DLGAP1: variants seen among roughly 807,000 people sequenced by gnomAD.
The protein encoded by DLGAP1 is DLG associated protein 1.
Under a neutral mutation model 90.8 loss-of-function variants are expected in DLGAP1, and 11 were observed. The ratio of observed to expected loss-of-function variants is 0.12; its 90% CI spans 0.08 to 0.20. The LOEUF is 0.20. Ranked by LOEUF, DLGAP1 falls within the 10% of genes least tolerant of loss-of-function variation. The probability of loss-of-function intolerance (pLI) is 1.00; values close to 1 mark genes in which losing one functional copy is unlikely to be tolerated. For synonymous variants in DLGAP1, 558 were observed against 540.7 expected (o/e 1.03, Z -0.44); for missense variants, 1,050 against 1,333.8 (o/e 0.79, Z 3.31).
At chr18:4,360,548 A>G (rs1316524358) in intron 1 of DLGAP1, among the ~76,000 whole-genome samples, 1 of 152,250 alleles carries the variant, frequency 6.6e-6, no homozygotes, top group Non-Finnish European at 1.5e-5. Context: ...AGATAAATAA[A>G]GCAAGTTTGG....
At chr18:3,632,020 C>G (rs116756812) in intron 7 of DLGAP1, among the ~76,000 whole-genome samples, 1,553 of 152,216 alleles carry the variant, frequency 0.01, 34 homozygotes, top group African/African-American at 0.036. Context: ...AGTGATCCTC[C>G]CACCTCGGCT....
intron 1 of DLGAP1, among the ~76,000 whole-genome samples, chr18:4,326,445 G>C (rs185857991): frequency 1.8e-4 from 28 of 152,158 alleles, no homozygotes; most frequent in South Asian, 2.1e-4. Flanking sequence ...TATCCTGAAA[G>C]AACTGAACAC....
chr18:3,977,326 C>T (rs1475581467), intron 3 of DLGAP1, among the ~76,000 whole-genome samples: 1 of 152,064 alleles, frequency 6.6e-6, no homozygotes, highest in East Asian at 1.9e-4. Flanking sequence ...CCTGCCTTGG[C>T]CTCTCAAAGT....
chr18:3,714,177 T>C (rs1187588167), intron 7 of DLGAP1, among the ~76,000 whole-genome samples: 2 of 152,220 alleles, frequency 1.3e-5, no homozygotes, highest in Admixed American at 1.3e-4. Context: ...ATGGGTGTCC[T>C]GTTCAGTCAT....
At chr18:3,753,599 G>A (rs1000194307) in intron 5 of DLGAP1, among the ~76,000 whole-genome samples, 1 of 152,160 alleles carries the variant, frequency 6.6e-6, no homozygotes, top group African/African-American at 2.4e-5. Context: ...ACAGGGATGT[G>A]TGCATGCTGA....
intron 1 of DLGAP1, among the ~76,000 whole-genome samples, chr18:4,433,326 C>G (rs991434192): frequency 2.0e-5 from 3 of 152,166 alleles, no homozygotes; most frequent in African/African-American, 7.2e-5. Context: ...TACTATAATT[C>G]TACCTAATTT....
intron 1 of DLGAP1, among the ~76,000 whole-genome samples, chr18:4,425,771 G>A (rs995694842): frequency 2.0e-4 from 30 of 152,044 alleles, no homozygotes; most frequent in African/African-American, 7.2e-4. Flanking sequence ...GAAAGAAAGA[G>A]GACAACCCTT....
chr18:4,301,198 C>T (rs528883983), intron 1 of DLGAP1, among the ~76,000 whole-genome samples: 5 of 152,142 alleles, frequency 3.3e-5, no homozygotes, highest in South Asian at 2.1e-4. Flanking sequence ...ATTATATTCA[C>T]GATGCTATGC....
intron 7 of DLGAP1, among the ~76,000 whole-genome samples, chr18:3,717,439 G>C (rs2061802594): frequency 6.6e-6 from 1 of 152,208 alleles, no homozygotes; most frequent in East Asian, 1.9e-4. Flanking sequence ...AACAGCCTGA[G>C]AAAGAAAAGG....
rs905196369 is a variant in DLGAP1 at position 3,517,153 on chromosome 18, T to G, written c.2480-8492A>C. 2.0e-5 allele frequency among the ~76,000 whole-genome samples: 3 copies of G among 152,204 alleles called. No individual in the cohort carries two copies. The highest frequency in any genetic ancestry group is 4.4e-5 in the Non-Finnish European group (3 of 68,030). ...TTTATAAGAGCACACAAATTTAGCA[T>G]AATTTTTAAGGGCCGTAGGCTTTTC... On this transcript the variant is annotated intron_variant, in intron 10 of 12. Transcript: ENST00000315677. This position sits in a 1 kb window ranked among gnomAD's most constrained non-coding sequence, Gnocchi z 4.1.
At chr18:3,844,434 C>T (rs376805526) in intron 4 of DLGAP1, among the ~76,000 whole-genome samples, 29 of 152,274 alleles carry the variant, frequency 1.9e-4, no homozygotes, top group East Asian at 1.5e-3. Context: ...TCAAAATCCC[C>T]GTATTAAACA....
intron 1 of DLGAP1, among the ~76,000 whole-genome samples, chr18:4,227,644 A>G (rs912124283): frequency 1.3e-5 from 2 of 151,852 alleles, no homozygotes; most frequent in Non-Finnish European, 1.5e-5. Context: ...AAATTTCTTG[A>G]AACAAATGAT....
At chr18:3,845,991 T>A (rs1292845888) in intron 4 of DLGAP1, among the ~76,000 whole-genome samples, 2 of 151,978 alleles carry the variant, frequency 1.3e-5, no homozygotes, top group Non-Finnish European at 2.9e-5. Context: ...TTTCATTTTT[T>A]AAAAAATTGA....
intron 7 of DLGAP1, among the ~76,000 whole-genome samples, chr18:3,621,178 AGCT>A: frequency 6.6e-6 from 1 of 152,208 alleles, no homozygotes; most frequent in Middle Eastern, 3.4e-3. Flanking sequence ...TGCTAATAAT[AGCT>A]ATGATTATTA....
chr18:4,398,842 C>CT (rs1239707893), intron 1 of DLGAP1, among the ~76,000 whole-genome samples: 2 of 151,520 alleles, frequency 1.3e-5, no homozygotes, highest in Non-Finnish European at 2.9e-5. Context: ...TTTTGTTTTG[C>CT]TTTTTTTTGA....
intron 1 of DLGAP1, among the ~76,000 whole-genome samples, chr18:4,320,103 G>T (rs1598891606): frequency 6.6e-6 from 1 of 152,132 alleles, no homozygotes; most frequent in Admixed American, 6.5e-5. Context: ...AGAGTAGAAG[G>T]TCCTAGGGGC....
At chr18:3,569,338 T>C (rs945575255) in intron 8 of DLGAP1, among the ~76,000 whole-genome samples, 41 of 152,012 alleles carry the variant, frequency 2.7e-4, no homozygotes, top group Non-Finnish European at 4.4e-4. Context: ...TATCTGTAAG[T>C]TGTCTGTTCA....
At chr18:4,045,467 C>CAAAAA (rs2075038783) in intron 2 of DLGAP1, among the ~76,000 whole-genome samples, 1 of 42,124 alleles carries the variant, frequency 2.4e-5, no homozygotes, top group Non-Finnish European at 4.5e-5. Flanking sequence ...AAAAAAAAAG[C>CAAAAA]TTGCCCCTGT....
intron 7 of DLGAP1, among the ~76,000 whole-genome samples, chr18:3,664,764 G>C (rs2059818405): frequency 1.3e-5 from 2 of 152,200 alleles, no homozygotes; most frequent in Admixed American, 1.3e-4. Flanking sequence ...TTGATCACCA[G>C]TGAATTCCCC....
Sources: gnomAD v4.1 joint callset for allele counts (sites outside exome capture counted in the v4.1 genomes callset) on GRCh38, gnomAD v4.1.1 for gene constraint, Gnocchi (gnomAD v3.1) non-coding constraint, MANE v1.5 for transcripts, NCBI Gene and HGNC (gene_info 2026-07-23, HGNC 2026-07-21) for gene names.